The following GNB4 variants were observed in gnomAD, a reference collection of about 807,000 sequenced individuals.
GNB4 encodes G protein subunit beta 4.
Under a neutral mutation model 45.2 loss-of-function variants are expected in GNB4, and 28 were observed. The observed-to-expected ratio is 0.62, with a 90% confidence interval of 0.46 to 0.85. The LOEUF (loss-of-function observed/expected upper bound fraction) is 0.85. Ranked by LOEUF, GNB4 falls within the 40% of genes least tolerant of loss-of-function variation. The pLI, the probability that GNB4 is intolerant of heterozygous loss-of-function variation, is 0.00. For missense variants in GNB4, 321 were observed against 425.4 expected, an observed-to-expected ratio of 0.75 and a Z score of 2.16; for synonymous variants, 132 against 143.7, an observed-to-expected ratio of 0.92 and a Z score of 0.58.
chr3:179,520,035 C>T, the GNB4 span, among the ~76,000 whole-genome samples: 3 of 152,152 alleles, frequency 2.0e-5, no homozygotes, highest in Non-Finnish European at 4.4e-5. Context: ...CTATCCACCC[C>T]GTGGTGGCAC....
chr3:179,433,791 AT>A (rs1224958976), intron 1 of GNB4, among the ~76,000 whole-genome samples: 4 of 152,230 alleles, frequency 2.6e-5, no homozygotes, highest in African/African-American at 9.6e-5. Flanking sequence ...TTTTAAAGTA[AT>A]TACTTCAAAT....
chr3:179,493,180 C>T, the GNB4 span, among the ~76,000 whole-genome samples: 1 of 152,140 alleles, frequency 6.6e-6, no homozygotes, highest in South Asian at 2.1e-4. Flanking sequence ...GACAAGGGAA[C>T]ATGATGCCAC....
the GNB4 span, among the ~76,000 whole-genome samples, chr3:179,480,854 CTTTTTTTT>C: frequency 8.0e-6 from 1 of 124,996 alleles, no homozygotes; most frequent in East Asian, 2.3e-4. Flanking sequence ...TTTTTTTTTT[CTTTTTTTT>C]TTTTTTTGAG....
At chr3:179,457,965 C>T in the GNB4 span, among the ~76,000 whole-genome samples, 32 of 150,628 alleles carry the variant, frequency 2.1e-4, 2 homozygotes, top group South Asian at 6.5e-3. Flanking sequence ...AGTGCAGTGG[C>T]GCAATCTCGG....
chr3:179,490,360 G>T, the GNB4 span, among the ~76,000 whole-genome samples: 2 of 152,154 alleles, frequency 1.3e-5, no homozygotes, highest in Non-Finnish European at 2.9e-5. Flanking sequence ...AAGGCCCTGT[G>T]GTAGTTAGGA....
chr3:179,441,265 G>A (rs1715586709), intron 1 of GNB4, among the ~76,000 whole-genome samples: 1 of 152,136 alleles, frequency 6.6e-6, no homozygotes, highest in African/African-American at 2.4e-5. Context: ...AAACATCATA[G>A]GGTGTCCTTA....
the GNB4 span, chr3:179,464,992 T>C: frequency 5.2e-6 from 8 of 1,532,606 alleles, no homozygotes; most frequent in African/African-American, 1.4e-5. Flanking sequence ...TGCACACAGA[T>C]GGGGTGCATG....
the GNB4 span, among the ~76,000 whole-genome samples, chr3:179,486,116 G>A: frequency 1.3e-5 from 2 of 151,188 alleles, no homozygotes; most frequent in African/African-American, 2.4e-5. Context: ...CCAGCTACTC[G>A]GGAGGCTGAG....
In GNB4 at chr3:179,396,569, G is replaced by C. The variant is rs147843555; in HGVS notation, c.*4644C>G. 1.3e-5 allele frequency: 2 copies of C among 152,288 alleles called. No homozygotes were observed. The highest frequency in any genetic ancestry group is 4.8e-5 in the African/African-American group (2 of 41,552). 9.4% of individuals were successfully genotyped at this position (152,288 alleles called of 1,614,324 possible). Reference sequence around the variant, plus strand: ...AAGAAATAAATACTGTATGATGTAAGATTTTGTTGAATACATTTAACACCA... The same window carrying C: ...AAGAAATAAATACTGTATGATGTAACATTTTGTTGAATACATTTAACACCA... On this transcript the variant is annotated 3_prime_UTR_variant, in exon 10 of 10. Coordinates refer to ENST00000232564, the MANE Select transcript of GNB4 (RefSeq NM_021629.4).
chr3:179,418,501 GA>G (rs1201127385), intron 4 of GNB4, among the ~76,000 whole-genome samples: 4 of 137,332 alleles, frequency 2.9e-5, no homozygotes, highest in Admixed American at 7.4e-5. Context: ...AAAAAGAAAA[GA>G]AAAAGAAAAA....
chr3:179,527,063 C>A, the GNB4 span, among the ~76,000 whole-genome samples: 1 of 152,094 alleles, frequency 6.6e-6, no homozygotes, highest in Non-Finnish European at 1.5e-5. Context: ...AATAGTTAAA[C>A]CTCCAGTGAA....
the GNB4 span, among the ~76,000 whole-genome samples, chr3:179,456,699 C>T: frequency 6.6e-6 from 1 of 152,152 alleles, no homozygotes; most frequent in East Asian, 1.9e-4. Context: ...CTCATACTAT[C>T]CATTTACAGC....
the GNB4 span, among the ~76,000 whole-genome samples, chr3:179,488,417 C>T: frequency 1.3e-5 from 2 of 152,156 alleles, no homozygotes; most frequent in East Asian, 1.9e-4. Context: ...AATATGTATG[C>T]TTAGCCAACT....
the GNB4 span, among the ~76,000 whole-genome samples, chr3:179,463,453 C>A: frequency 6.6e-6 from 1 of 152,064 alleles, no homozygotes; most frequent in Non-Finnish European, 1.5e-5. Context: ...CAACTCTAGA[C>A]CTTTGTATTT....
At chr3:179,464,776 C>A in the GNB4 span, 3 of 1,301,406 alleles carry the variant, frequency 2.3e-6, no homozygotes, top group East Asian at 4.6e-5. Context: ...AGAGAAGGAT[C>A]TGCAATGCTG....
chr3:179,424,380 T>C (rs976098501), intron 2 of GNB4, among the ~76,000 whole-genome samples: 2 of 152,230 alleles, frequency 1.3e-5, no homozygotes, highest in African/African-American at 4.8e-5. Context: ...CCTTCTGTGA[T>C]TATCCCAGGC....
chr3:179,495,145 T>C, the GNB4 span, among the ~76,000 whole-genome samples: 1 of 151,564 alleles, frequency 6.6e-6, no homozygotes, highest in Admixed American at 6.6e-5. Flanking sequence ...CATAACTACA[T>C]GGGAGGCTGA....
chr3:179,499,219 G>A, the GNB4 span, among the ~76,000 whole-genome samples: 797 of 145,776 alleles, frequency 5.5e-3, 6 homozygotes, highest in African/African-American at 0.02. Flanking sequence ...GTGCAGTGGC[G>A]CGATCTCAGC....
At chr3:179,510,484 C>T in the GNB4 span, among the ~76,000 whole-genome samples, 255 of 152,244 alleles carry the variant, frequency 1.7e-3, 1 homozygote, top group African/African-American at 5.8e-3. Context: ...TAAAGCCATG[C>T]CATAGAAGAA....
Sources: allele counts gnomAD v4.1 joint callset (sites outside exome capture counted in the v4.1 genomes callset), GRCh38; gene constraint gnomAD v4.1.1; transcripts MANE v1.5; gene names NCBI Gene and HGNC (gene_info 2026-07-23, HGNC 2026-07-21).